COL19A1: variants seen among roughly 807,000 people sequenced by gnomAD.
COL19A1 encodes collagen alpha-1(XIX) chain.
In COL19A1, 159 loss-of-function variants were observed where a neutral mutation model predicts 190.2. That is an observed-to-expected ratio of 0.84 (90% CI 0.73 to 0.95). The LOEUF is 0.95. Among genes scored for constraint, COL19A1 ranks in the 40% least tolerant of loss-of-function variants. COL19A1 has a pLI of 0.00. For synonymous variants in COL19A1, 509 were observed against 458.9 expected, an observed-to-expected ratio of 1.11 and a Z score of -1.39; for missense variants, 1,418 against 1,431.9, an observed-to-expected ratio of 0.99 and a Z score of 0.16.
At chr6:70,045,100 G>T (rs1562115780) in intron 14 of COL19A1, among the ~76,000 whole-genome samples, 1 of 151,890 alleles carries the variant, frequency 6.6e-6, no homozygotes, top group African/African-American at 2.4e-5. Flanking sequence ...ATCACCTGAG[G>T]TTGGGAGTTT....
Position 70,035,906 on chromosome 6 carries a change from A to T in COL19A1, c.1137A>T (p.Gly379=). 1 of 1,613,284 alleles carries T rather than the reference A, an allele frequency of 6.2e-7. No homozygotes were observed. The highest frequency in any genetic ancestry group is 8.5e-7 in the Non-Finnish European group (1 of 1,179,334). The change falls in exon 14 of 51, where the codon GGA becomes GGT. Residue 379 remains glycine, a splice_region_variant and synonymous_variant. Coordinates refer to ENST00000620364, the MANE Select transcript of COL19A1 (RefSeq NM_001858.6). ...HGPPGPKGEK[G]DTGPPGPPAL... is the part of the protein sequence containing the mutation. ...AGCTTTTCTTTAATCTATTTTAGGG[A>T]GATACAGGACCCCCAGGACCACCAG... is the stretch of plus-strand genomic sequence containing the variant.
chr6:69,971,049 G>T (rs1478491865), intron 11 of COL19A1, among the ~76,000 whole-genome samples: 1 of 151,730 alleles, frequency 6.6e-6, no homozygotes, highest in East Asian at 1.9e-4. Context: ...CAGTGCTCGT[G>T]AATAACTCTA....
At chr6:70,036,122 G>C (rs1310705594) in intron 14 of COL19A1, among the ~76,000 whole-genome samples, 183 bp downstream of exon 14, 3 of 152,148 alleles carry the variant, frequency 2.0e-5, no homozygotes, top group African/African-American at 4.8e-5. Context: ...TGAAATATCT[G>C]ACCCAAGGTC....
chr6:69,915,524 T>C (rs1201424702), intron 4 of COL19A1, among the ~76,000 whole-genome samples: 1 of 152,178 alleles, frequency 6.6e-6, no homozygotes, highest in Non-Finnish European at 1.5e-5. Flanking sequence ...CCTCTGTTGC[T>C]GGGAGACCAG....
chr6:69,921,288 TATCATATATATC>T (rs1771763095), intron 4 of COL19A1, among the ~76,000 whole-genome samples: 1 of 132,192 alleles, frequency 7.6e-6, no homozygotes, highest in African/African-American at 2.8e-5. Context: ...ATATATCATA[TATCATATATATC>T]ATATATCATA....
At position 70,165,620 on chromosome 6, in the gene COL19A1, T is replaced by A. The variant is rs750978043; in HGVS notation, c.2401-321T>A. On this transcript the variant is annotated intron_variant, in intron 36 of 50. Coordinates refer to ENST00000620364, the MANE Select transcript of COL19A1 (RefSeq NM_001858.6). Reference sequence around the variant, plus strand: ...GCCTGCTTGTAGGAGAGTTCCACATTGGGAGAGTTCCTCCAGCTGCACTGG... The same window carrying A: ...GCCTGCTTGTAGGAGAGTTCCACATAGGGAGAGTTCCTCCAGCTGCACTGG... Among the ~76,000 whole-genome samples the A allele has an allele frequency of 9.3e-4, 141 of 152,144 alleles. 1 individual carries two copies. Among genetic ancestry groups the A allele is most frequent in the Non-Finnish European group, 4.0e-4 (27 of 68,024 alleles).
intron 15 of COL19A1, among the ~76,000 whole-genome samples, chr6:70,084,885 C>T (rs1562156779): frequency 6.6e-6 from 1 of 152,206 alleles, no homozygotes; most frequent in East Asian, 1.9e-4. Context: ...TCTCAAAAGG[C>T]ATTAATTCTG....
In COL19A1 at chr6:69,943,490, G is replaced by A. The variant is rs547636264; in HGVS notation, c.936+5390G>A. Among the ~76,000 whole-genome samples the A allele has an allele frequency of 3.3e-5, 5 of 152,172 alleles. No individual in the cohort carries two copies. The East Asian group carries it at 7.7e-4, about 24-fold the overall frequency. On this transcript the variant is annotated intron_variant, in intron 9 of 50. Transcript: ENST00000620364. The stretch of plus-strand genomic sequence containing the variant: ...CCACAAAATCTTTGCCTAGACTAAT[G>A]TACCAAAGCATTTTCCATACATTTT...
chr6:70,082,247 CA>C (rs139044375), intron 15 of COL19A1, among the ~76,000 whole-genome samples: 43,779 of 151,750 alleles, frequency 0.29, 7,949 homozygotes, highest in Non-Finnish European at 0.41. Flanking sequence ...GATTAATTTT[CA>C]AAATACAGCA....
At chr6:70,063,602 G>A (rs1780981992) in intron 14 of COL19A1, among the ~76,000 whole-genome samples, 1 of 152,116 alleles carries the variant, frequency 6.6e-6, no homozygotes, top group Admixed American at 6.6e-5. Flanking sequence ...ACATTCAAAA[G>A]CTAGCAGAAG....
intron 4 of COL19A1, 39 bp from the exon 5 acceptor site, chr6:69,927,870 C>T: frequency 6.4e-7 from 1 of 1,574,390 alleles, no homozygotes; most frequent in Non-Finnish European, 8.7e-7. Context: ...CTTGCAATCT[C>T]CAGTTTCCCC....
At chr6:69,889,468 G>A (rs779334024) in intron 2 of COL19A1, among the ~76,000 whole-genome samples, 6 of 152,144 alleles carry the variant, frequency 3.9e-5, no homozygotes, top group Non-Finnish European at 8.8e-5. Flanking sequence ...TGGGTCAAGT[G>A]GGGACTTGGA....
intron 12 of COL19A1, among the ~76,000 whole-genome samples, chr6:70,028,072 A>G (rs946557874): frequency 6.6e-6 from 1 of 152,174 alleles, no homozygotes; most frequent in Non-Finnish European, 1.5e-5. Context: ...AGGGGAAAAG[A>G]TAATTTTCCC....
In COL19A1 at chr6:69,896,124, G is replaced by A. The variant is rs188660784; in HGVS notation, c.92-2824G>A. ...TTTGTTGCTCCACATCCTCATCAAC[G>A]CTTGACTGCCATGAATATTCTTGCC... On this transcript the variant is annotated intron_variant, in intron 2 of 50. Coordinates refer to ENST00000620364, the MANE Select transcript of COL19A1 (RefSeq NM_001858.6). Among the ~76,000 whole-genome samples the A allele has an allele frequency of 2.6e-3, 384 of 150,548 alleles. 1 individual carries two copies. Among genetic ancestry groups the A allele is most frequent in the Middle Eastern group, 0.01 (3 of 290 alleles).
intron 15 of COL19A1, among the ~76,000 whole-genome samples, chr6:70,085,762 C>T (rs1333600784): frequency 6.6e-6 from 1 of 151,924 alleles, no homozygotes; most frequent in Non-Finnish European, 1.5e-5. Context: ...TATTTCAAAG[C>T]TCTAAGAAAC....
rs1768196863 is a variant in COL19A1 at position 70,211,354 on chromosome 6, T to C, written c.*4080T>C. ...AGCTTTGCAGATTTGTCCATTGCTC[T>C]TGTTCTTAAATTATTTTTCATACTT... On this transcript the variant is annotated 3_prime_UTR_variant, in exon 51 of 51. Coordinates refer to ENST00000620364, the MANE Select transcript of COL19A1 (RefSeq NM_001858.6). Among the ~76,000 whole-genome samples the C allele has an allele frequency of 6.6e-6, 1 of 151,994 alleles. No homozygotes were observed. The highest frequency in any genetic ancestry group is 2.4e-5 in the African/African-American group (1 of 41,376).
At chr6:70,062,260 C>T (rs1299405890) in intron 14 of COL19A1, among the ~76,000 whole-genome samples, 1 of 151,954 alleles carries the variant, frequency 6.6e-6, no homozygotes, top group Admixed American at 6.6e-5. Context: ...AAATTAGTTA[C>T]AATAATTTAT....
intron 11 of COL19A1, among the ~76,000 whole-genome samples, chr6:70,019,049 C>A (rs1391917845): frequency 2.0e-5 from 3 of 152,050 alleles, no homozygotes; most frequent in African/African-American, 7.2e-5. Flanking sequence ...GAATTTTCTA[C>A]CACCAGCTTC....
At chr6:70,083,966 C>T (rs1782432632) in intron 15 of COL19A1, among the ~76,000 whole-genome samples, 1 of 152,132 alleles carries the variant, frequency 6.6e-6, no homozygotes, top group South Asian at 2.1e-4. Flanking sequence ...TTTCCTCCCT[C>T]AACTCTTTCA....
Sources: allele counts gnomAD v4.1 joint callset (sites outside exome capture counted in the v4.1 genomes callset), GRCh38; gene constraint gnomAD v4.1.1; transcripts MANE v1.5; gene names NCBI Gene and HGNC (gene_info 2026-07-23, HGNC 2026-07-21).